Variants in PCDH15 observed in about 807,000 individuals in gnomAD.
The protein encoded by PCDH15 is protocadherin-15.
Under a neutral mutation model 178.5 loss-of-function variants are expected in PCDH15, and 129 were observed. That is an observed-to-expected ratio of 0.72 (90% CI 0.63 to 0.84). PCDH15 has a LOEUF of 0.84. Among genes scored for constraint, PCDH15 ranks in the 40% least tolerant of loss-of-function variants. PCDH15 has a pLI of 0.00. For missense variants in PCDH15, 2,230 were observed against 2,099.9 expected (o/e 1.06, Z -1.21); for synonymous variants, 800 against 732.0 (o/e 1.09, Z -1.50).
intron 1 of PCDH15, among the ~76,000 whole-genome samples, chr10:54,759,134 A>G (rs918088754): frequency 3.9e-5 from 6 of 152,154 alleles, no homozygotes; most frequent in African/African-American, 1.4e-4. Flanking sequence ...ATCACTTAAA[A>G]TTATCAATTA....
intron 28 of PCDH15, among the ~76,000 whole-genome samples, chr10:53,845,680 T>C (rs1240912131): frequency 6.6e-6 from 1 of 151,632 alleles, no homozygotes; most frequent in African/African-American, 2.4e-5. Flanking sequence ...ATGGATCTCA[T>C]GGAGGTAGAG....
chr10:54,804,950 C>CATATATATATATATATATATATATAT (rs1952756237), upstream of PCDH15, among the ~76,000 whole-genome samples: 1 of 11,684 alleles, frequency 8.6e-5, no homozygotes, highest in African/African-American at 2.5e-4. Context: ...TATATATATA[C>CATATATATATATATATATATATATAT]AGAGTTTGCT....
intron 3 of PCDH15, among the ~76,000 whole-genome samples, chr10:54,498,936 T>G: frequency 1.3e-5 from 2 of 149,932 alleles, no homozygotes; most frequent in East Asian, 2.0e-4. Flanking sequence ...GGAGAGAGAG[T>G]GAAGGGGTAA....
chr10:55,612,459 G>T (rs1843387749), intron 2 of PCDH15, among the ~76,000 whole-genome samples: 1 of 152,020 alleles, frequency 6.6e-6, no homozygotes, highest in Non-Finnish European at 1.5e-5. Flanking sequence ...GGAAAGGGGG[G>T]ACTGCTGCAT....
At chr10:54,227,393 G>A (rs1057231844) in intron 9 of PCDH15, among the ~76,000 whole-genome samples, 2 of 152,162 alleles carry the variant, frequency 1.3e-5, no homozygotes, top group African/African-American at 4.8e-5. Context: ...GCTCTATGTT[G>A]GCCCCTTTCA....
chr10:53,822,393 CAAAAAAGA>C lies in PCDH15; in HGVS notation c.4368-2171_4368-2164del. The C allele has an allele frequency of 1.3e-6, 2 of 1,565,628 alleles. No homozygotes were observed. The highest frequency in any genetic ancestry group is 1.7e-6 in the Non-Finnish European group (2 of 1,156,840). On this transcript the variant is annotated intron_variant, in intron 32 of 37. Coordinates refer to ENST00000644397, the MANE Select transcript of PCDH15 (RefSeq NM_001384140.1). ...GATAGAAGGAGGAGAGGGAGGAGGACAAAAAAGAGAAAAAGGAGAAATGTCAGGAGGAG... is the reference window on the plus strand; with the variant it reads ...GATAGAAGGAGGAGAGGGAGGAGGACGAAAAAGGAGAAATGTCAGGAGGAG...
intron 2 of PCDH15, among the ~76,000 whole-genome samples, chr10:55,549,850 C>T (rs949720580): frequency 2.0e-5 from 3 of 151,958 alleles, no homozygotes; most frequent in Admixed American, 2.0e-4. Flanking sequence ...TCAATTGGTA[C>T]GACAAATAGA....
intron 3 of PCDH15, among the ~76,000 whole-genome samples, chr10:54,825,909 T>C (rs576290332): frequency 1.3e-5 from 2 of 152,226 alleles, no homozygotes; most frequent in South Asian, 4.1e-4. Flanking sequence ...AGTAGCATAT[T>C]CTCAATAATA....
intron 1 of PCDH15, among the ~76,000 whole-genome samples, chr10:55,202,459 T>A (rs1437694566): frequency 6.6e-6 from 1 of 152,100 alleles, no homozygotes; most frequent in East Asian, 1.9e-4. Flanking sequence ...GTATGTGCCT[T>A]TCTGCTTCAA....
chr10:55,308,157 T>C (rs1428636173), intron 1 of PCDH15, among the ~76,000 whole-genome samples: 1 of 152,194 alleles, frequency 6.6e-6, no homozygotes, highest in African/African-American at 2.4e-5. Context: ...GAGATTATAA[T>C]GAGACCTAAT....
At chr10:54,724,270 G>A (rs12785185) in intron 1 of PCDH15, among the ~76,000 whole-genome samples, 20,036 of 151,578 alleles carry the variant, frequency 0.13, 1,414 homozygotes, top group East Asian at 0.25. Context: ...ATTATCCTAA[G>A]TGAACTCAGA....
rs186938051 is a variant in PCDH15 at position 54,353,860 on chromosome 10, T to C, written c.475-7376A>G. Among the ~76,000 whole-genome samples, 488 of 152,086 alleles carry C rather than the reference T, an allele frequency of 3.2e-3. 3 individuals carry two copies. The highest frequency in any genetic ancestry group is 0.011 in the African/African-American group (469 of 41,386). On this transcript the variant is annotated intron_variant, in intron 5 of 37. Coordinates refer to ENST00000644397, the MANE Select transcript of PCDH15 (RefSeq NM_001384140.1). ...TAATAGACAAATTCATGTAGATAAG[T>C]GTATTTAAAATAAAAAAAGAATTAT...
Position 53,831,474 on chromosome 10 carries a change from C to T in PCDH15, c.4043G>A (p.Gly1348Glu). The T allele has an allele frequency of 1.2e-6, 2 of 1,614,160 alleles. No individual in the cohort carries two copies. The highest frequency in any genetic ancestry group is 1.7e-6 in the Non-Finnish European group (2 of 1,180,022). The change falls in exon 30 of 38, where the codon GGA becomes GAA. Residue 1348 changes from glycine (G) to glutamate (E), a missense_variant. Gly to Glu is a moderately conservative substitution (Grantham distance 98). Transcript: ENST00000644397. ...AGTCCGGATCTCCAGAATGCGTCCT[C>T]CTTCCCCATAATACGGCTGAAAGTC... is the stretch of plus-strand genomic sequence containing the variant. Reference protein sequence around the residue: ...NKDFQPYYGEGGRILEIRTPE... With the variant: ...NKDFQPYYGEEGRILEIRTPE...
intron 2 of PCDH15, among the ~76,000 whole-genome samples, chr10:54,542,090 C>G (rs1395395750): frequency 6.6e-6 from 1 of 152,084 alleles, no homozygotes; most frequent in Non-Finnish European, 1.5e-5. Flanking sequence ...CCTTAGCTGT[C>G]CAGTTGTGAC....
At chr10:55,512,232 C>A (rs1291701226) in intron 2 of PCDH15, among the ~76,000 whole-genome samples, 2 of 151,936 alleles carry the variant, frequency 1.3e-5, no homozygotes, top group Admixed American at 6.6e-5. Context: ...AATAGTTAAA[C>A]CCTGTTAGAC....
At chr10:53,814,383 C>A (rs970414356) in intron 35 of PCDH15, among the ~76,000 whole-genome samples, 1 of 152,114 alleles carries the variant, frequency 6.6e-6, no homozygotes, top group African/African-American at 2.4e-5. Context: ...AAAGAATTTT[C>A]TTTACATAAA....
In PCDH15 at chr10:54,126,923, T is replaced by C. The variant is rs369510943; in HGVS notation, c.1917+5952A>G. Among the ~76,000 whole-genome samples, 21 of 152,192 alleles carry C rather than the reference T, an allele frequency of 1.4e-4. No homozygotes were observed. In the East Asian group the frequency reaches 1.7e-3, roughly 13 times the overall value. ...AATACAAAAAATATTCTATCTTACT[T>C]GTCTCTCAAAACATAGGCCATTTAA... On this transcript the variant is annotated intron_variant, in intron 15 of 37. Coordinates refer to ENST00000644397, the MANE Select transcript of PCDH15 (RefSeq NM_001384140.1).
At position 54,518,091 on chromosome 10, in the gene PCDH15, T is replaced by C. The variant is rs565482184; in HGVS notation, c.157+9721A>G. On this transcript the variant is annotated intron_variant, in intron 3 of 37. Coordinates refer to ENST00000644397, the MANE Select transcript of PCDH15 (RefSeq NM_001384140.1). ...GTAGAGGGAAATTTATAGCACCAAA[T>C]GCCCAAAAGAGAAAGCAGGAAAGAT... Among the ~76,000 whole-genome samples the C allele has an allele frequency of 1.4e-3, 209 of 152,134 alleles. 1 individual carries two copies. Among genetic ancestry groups the C allele is most frequent in the African/African-American group, 4.7e-3 (196 of 41,516 alleles).
At chr10:55,524,412 A>T (rs1383430748) in intron 2 of PCDH15, among the ~76,000 whole-genome samples, 2 of 151,654 alleles carry the variant, frequency 1.3e-5, no homozygotes, top group Non-Finnish European at 3.0e-5. Context: ...AAATGTGGGT[A>T]TAAGAATTGG....
Sources: gnomAD v4.1 joint callset for allele counts (sites outside exome capture counted in the v4.1 genomes callset) on GRCh38, gnomAD v4.1.1 for gene constraint, MANE v1.5 for transcripts, NCBI Gene and HGNC (gene_info 2026-07-23, HGNC 2026-07-21) for gene names.